The following BIN1 variants were observed in gnomAD, a reference collection of about 807,000 sequenced individuals.
BIN1 encodes bridging integrator 1.
Under a neutral mutation model 82.0 loss-of-function variants are expected in BIN1, and 53 were observed. The observed-to-expected ratio is 0.65, with a 90% confidence interval of 0.52 to 0.81. The LOEUF (loss-of-function observed/expected upper bound fraction) is 0.81. Ranked by LOEUF, BIN1 falls within the 40% of genes least tolerant of loss-of-function variation. The pLI is 0.00. For synonymous variants in BIN1, 302 were observed against 328.0 expected, an observed-to-expected ratio of 0.92 and a Z score of 0.86; for missense variants, 642 against 784.4, an observed-to-expected ratio of 0.82 and a Z score of 2.17.
chr2:127,057,460 G>T lies in BIN1; in HGVS notation c.1131+13C>A, dbSNP rs373100782. The T allele has an allele frequency of 1.9e-6, 3 of 1,543,634 alleles. No individual in the cohort carries two copies. Reference sequence around the variant, plus strand: ...GAAGAGAGGAGAGCTGGGCCGCGGCGGCCGCGGCTGACCTGGGAGGGGGTG... The same window carrying T: ...GAAGAGAGGAGAGCTGGGCCGCGGCTGCCGCGGCTGACCTGGGAGGGGGTG... On this transcript the variant is annotated intron_variant, in intron 12 of 18. Transcript: ENST00000316724. This position sits in a 1 kb window ranked among gnomAD's most constrained non-coding sequence, Gnocchi z 5.0.
rs972060066 is a variant in BIN1, at chr2:127,051,148, T to A, written c.1461+6A>T. 1.9e-6 allele frequency: 3 copies of A among 1,613,424 alleles called. No individual in the cohort carries two copies. In the Admixed American group the frequency reaches 5.0e-5, roughly 27 times the overall value. ...AAAAGGCAGGGCTTTGTCCCTGCTG[T>A]CTTACGGAGGCTGCTTCACTTGCCG... On this transcript the variant is annotated splice_donor_region_variant and intron_variant, in intron 16 of 18. Transcript: ENST00000316724.
rs1176652202 is a variant in BIN1, at chr2:127,048,483, G to A, written c.*43C>T. On this transcript the variant is annotated 3_prime_UTR_variant, in exon 19 of 19. Transcript: ENST00000316724. ...AAAAAGAACCACACATTTTTCGGGA[G>A]GAGGTGTTCTTCACACGCCCGGAGG... 1 of 1,545,532 alleles carries A rather than the reference G, an allele frequency of 6.5e-7. No homozygotes were observed. The highest frequency in any genetic ancestry group is 1.1e-5 in the South Asian group (1 of 89,660).
chr2:127,054,234 C>T lies in BIN1; in HGVS notation c.1132-222G>A, dbSNP rs75539206. The T allele has an allele frequency of 0.05, 29,752 of 589,396 alleles. 1,605 individuals carry two copies. Among genetic ancestry groups the T allele is most frequent in the Admixed American group, 0.15 (5,915 of 40,014 alleles). The allele number at this position is 589,396 out of a possible 1,614,324, so 36.5% of individuals were successfully genotyped here. ...GAGCACTGCCCAAAGCCACGCGCCC[C>T]GGCACAGGCTCCCGCCCACACCAGG... is the stretch of plus-strand genomic sequence containing the variant. On this transcript the variant is annotated intron_variant, in intron 12 of 18. Transcript: ENST00000316724.
intron 18 of BIN1, 92 bp from the exon 19 acceptor site, chr2:127,048,725 C>T (rs1682492059): frequency 8.1e-7 from 1 of 1,230,418 alleles, no homozygotes; most frequent in Admixed American, 1.8e-5. Flanking sequence ...GGAAGACGGC[C>T]CCTCCTCCTG....
intron 11 of BIN1, among the ~76,000 whole-genome samples, chr2:127,058,032 G>A (rs1348043881): frequency 6.6e-5 from 10 of 151,940 alleles, no homozygotes; most frequent in South Asian, 6.2e-4. Flanking sequence ...CTCCCTTCCC[G>A]CAGGCCCCTC....
rs1304397098 is a variant in BIN1 at position 127,057,345 on chromosome 2, A to G, written c.1131+128T>C. On this transcript the variant is annotated intron_variant, in intron 12 of 18. Transcript: ENST00000316724. The surrounding 1 kb of genome is among the most constrained non-coding windows in gnomAD (Gnocchi z 5.0). ...ATGGATGGAGGGAACAAAGGGTGAG[A>G]GAGGGAAACTGACACTCTCTCTGGC... 7.9e-7 allele frequency: 1 copy of G among 1,259,966 alleles called. No homozygotes were observed. The highest frequency in any genetic ancestry group is 1.1e-6 in the Non-Finnish European group (1 of 950,770). 78.0% of individuals were successfully genotyped at this position (1,259,966 alleles called of 1,614,324 possible).
In BIN1 at chr2:127,070,713, T is replaced by C. The variant is rs777452155; in HGVS notation, c.220+49A>G. 3.1e-6 allele frequency: 5 copies of C among 1,592,950 alleles called. No individual in the cohort carries two copies. The Admixed American group carries it at 6.9e-5, about 22-fold the overall frequency. On this transcript the variant is annotated intron_variant, in intron 3 of 18. Coordinates refer to ENST00000316724, the MANE Select transcript of BIN1 (RefSeq NM_139343.3). Reference sequence around the variant, plus strand: ...GCGCTTGTCCCACCCTCCCCAGCTCTGCACCCACCAGCTCTACACGGGCCA... The same window carrying C: ...GCGCTTGTCCCACCCTCCCCAGCTCCGCACCCACCAGCTCTACACGGGCCA...
chr2:127,064,334 C>T (rs746200385), intron 7 of BIN1, among the ~76,000 whole-genome samples: 17 of 152,328 alleles, frequency 1.1e-4, no homozygotes, highest in East Asian at 3.9e-4. Context: ...GAGCTGGACA[C>T]GGGACATGCA....
In BIN1 at chr2:127,059,316, G is replaced by C. The variant is rs1195613864; in HGVS notation, c.858-161C>G. Among the ~76,000 whole-genome samples, 2 of 151,600 alleles carry C rather than the reference G, an allele frequency of 1.3e-5. No homozygotes were observed. The highest frequency in any genetic ancestry group is 2.4e-5 in the African/African-American group (1 of 41,232). On this transcript the variant is annotated intron_variant, in intron 10 of 18. Coordinates refer to ENST00000316724, the MANE Select transcript of BIN1 (RefSeq NM_139343.3). This position sits in a 1 kb window ranked among gnomAD's most constrained non-coding sequence, Gnocchi z 6.7. The stretch of plus-strand genomic sequence containing the variant: ...TGTATGTGAGAGAGAGCAGGAGGGT[G>C]GGGGGAGCCAAGGGACCTGGGCTTG...
rs1683769920 is a variant in BIN1, at chr2:127,057,026, C to T, written c.1131+447G>A. Among the ~76,000 whole-genome samples the T allele has an allele frequency of 6.6e-6, 1 of 152,218 alleles. No individual in the cohort carries two copies. Among genetic ancestry groups the T allele is most frequent in the South Asian group, 2.1e-4 (1 of 4,834 alleles). ...GGGAGTGTGCACACGGCAGTTCTGC[C>T]CTGCAGCCTGGCCGCTGCCCCCGCC... On this transcript the variant is annotated intron_variant, in intron 12 of 18. Transcript: ENST00000316724. This position sits in a 1 kb window ranked among gnomAD's most constrained non-coding sequence, Gnocchi z 5.0.
At chr2:127,103,161 C>A (rs897607560) in intron 1 of BIN1, among the ~76,000 whole-genome samples, 6 of 152,252 alleles carry the variant, frequency 3.9e-5, no homozygotes, top group African/African-American at 1.4e-4. Flanking sequence ...GGTGGCTGGG[C>A]CTGCCTATGC....
chr2:127,099,811 C>T (rs1334649780), intron 1 of BIN1, among the ~76,000 whole-genome samples: 1 of 146,180 alleles, frequency 6.8e-6, no homozygotes, highest in Non-Finnish European at 1.5e-5. Context: ...TGCGCCTGGC[C>T]TTTTTTTTTT....
At chr2:127,084,279 G>A (rs149587872) in intron 1 of BIN1, among the ~76,000 whole-genome samples, 6 of 152,308 alleles carry the variant, frequency 3.9e-5, no homozygotes, top group East Asian at 3.9e-4. Context: ...TCTCCTCCAC[G>A]TGACCCGGCA....
At chr2:127,085,033 CCCCCG>C (rs1183953867) in intron 1 of BIN1, among the ~76,000 whole-genome samples, 1 of 152,128 alleles carries the variant, frequency 6.6e-6, no homozygotes, top group Non-Finnish European at 1.5e-5. Context: ...CTCCCTCCAT[CCCCCG>C]CCCCGCCCCA....
At chr2:127,075,833 G>A (rs13416632) in intron 2 of BIN1, among the ~76,000 whole-genome samples, 18,989 of 62,262 alleles carry the variant, frequency 0.3, 2,053 homozygotes, top group South Asian at 0.39. Flanking sequence ...AATGCTCCCC[G>A]GCCCTCTCCC....
intron 2 of BIN1, among the ~76,000 whole-genome samples, chr2:127,072,753 C>T (rs191772498): frequency 7.9e-5 from 12 of 152,270 alleles, no homozygotes; most frequent in African/African-American, 2.6e-4. Flanking sequence ...AAACAGAAGA[C>T]TGCTCCACGG....
At chr2:127,102,357 G>A (rs556752676) in intron 1 of BIN1, among the ~76,000 whole-genome samples, 48 of 152,326 alleles carry the variant, frequency 3.2e-4, no homozygotes, top group South Asian at 1.2e-3. Flanking sequence ...TGAAGAGGGC[G>A]CAGAGAGTTC....
rs1407248358 is a variant in BIN1, at chr2:127,052,241, A to T, written c.1371+14T>A. The T allele has an allele frequency of 6.4e-7, 1 of 1,561,972 alleles. No homozygotes were observed. Among genetic ancestry groups the T allele is most frequent in the East Asian group, 2.4e-5 (1 of 42,060 alleles). On this transcript the variant is annotated intron_variant, in intron 15 of 18. Coordinates refer to ENST00000316724, the MANE Select transcript of BIN1 (RefSeq NM_139343.3). ...TGGGGACAAGCCAGACAGGGGCTGG[A>T]GGTGGGCACTTACTTGGGCAGGCCC...
At chr2:127,061,833 G>C (rs1343449249) in intron 10 of BIN1, among the ~76,000 whole-genome samples, 1 of 152,160 alleles carries the variant, frequency 6.6e-6, no homozygotes, top group Non-Finnish European at 1.5e-5. Context: ...CCCAACCCTG[G>C]ATGCTCGTGC....
Sources: allele counts gnomAD v4.1 joint callset (sites outside exome capture counted in the v4.1 genomes callset), GRCh38; gene constraint gnomAD v4.1.1; non-coding constraint Gnocchi (gnomAD v3.1); transcripts MANE v1.5; gene names NCBI Gene and HGNC (gene_info 2026-07-23, HGNC 2026-07-21).